Variants in DISC1 observed in about 807,000 individuals in gnomAD.
DISC1 encodes the protein DISC1 scaffold protein, also known as disrupted in schizophrenia 1 protein.
Under a neutral mutation model 84.5 loss-of-function variants are expected in DISC1, and 57 were observed. The observed-to-expected ratio is 0.67, with a 90% CI of 0.55 to 0.84. The LOEUF (loss-of-function observed/expected upper bound fraction) is 0.84, where lower values mean the gene tolerates loss of function less well. Ranked by LOEUF, DISC1 falls within the 40% of genes least tolerant of loss-of-function variation. The pLI is 0.00. For synonymous variants in DISC1, 411 were observed against 415.2 expected, an observed-to-expected ratio of 0.99 and a Z score of 0.12; for missense variants, 1,000 against 1,057.8, an observed-to-expected ratio of 0.95 and a Z score of 0.76.
chr1:231,823,981 G>C (rs1288901529), intron 9 of DISC1, among the ~76,000 whole-genome samples: 2 of 152,110 alleles, frequency 1.3e-5, no homozygotes, highest in Admixed American at 1.3e-4. Flanking sequence ...TTAAACTGTC[G>C]AGGTGAATTA....
At chr1:231,747,788 T>C (rs2074172528) in intron 3 of DISC1, among the ~76,000 whole-genome samples, 1 of 152,184 alleles carries the variant, frequency 6.6e-6, no homozygotes, top group Admixed American at 6.5e-5. Context: ...TTTTTTTCTG[T>C]TTCTGTGAGA....
At chr1:231,707,883 G>A (rs1415290424) in intron 3 of DISC1, among the ~76,000 whole-genome samples, 1 of 152,066 alleles carries the variant, frequency 6.6e-6, no homozygotes, top group Non-Finnish European at 1.5e-5. Flanking sequence ...CCTAACATCT[G>A]CAATCCTGAA....
intron 2 of DISC1, among the ~76,000 whole-genome samples, chr1:231,695,527 C>G (rs992809850): frequency 1.3e-5 from 2 of 152,108 alleles, no homozygotes; most frequent in Non-Finnish European, 2.9e-5. Flanking sequence ...TAGAGATGCT[C>G]TGTGGCTCAT....
intron 9 of DISC1, among the ~76,000 whole-genome samples, chr1:231,833,699 A>C (rs1248689005): frequency 6.6e-6 from 1 of 152,176 alleles, no homozygotes; most frequent in Admixed American, 6.5e-5. Context: ...GCAGGCCTGG[A>C]GGAACTCCTG....
chr1:231,845,936 G>A (rs893025653), intron 9 of DISC1, among the ~76,000 whole-genome samples: 4 of 152,156 alleles, frequency 2.6e-5, no homozygotes, highest in Admixed American at 2.0e-4. Flanking sequence ...GGTGATGCAA[G>A]GATGGCGGCA....
chr1:231,833,176 A>G (rs952437571), intron 9 of DISC1, among the ~76,000 whole-genome samples: 2 of 150,670 alleles, frequency 1.3e-5, no homozygotes, highest in East Asian at 1.9e-4. Context: ...AAAGTGTCTC[A>G]GCCTAATAAG....
intron 2 of DISC1, among the ~76,000 whole-genome samples, chr1:231,699,900 C>T (rs1451706976): frequency 6.6e-6 from 1 of 152,176 alleles, no homozygotes; most frequent in Non-Finnish European, 1.5e-5. Flanking sequence ...CATTCTTGCT[C>T]CCTCTTGCTT....
At chr1:231,796,692 C>T (rs2078792192) in intron 7 of DISC1, among the ~76,000 whole-genome samples, 1 of 152,108 alleles carries the variant, frequency 6.6e-6, no homozygotes, top group Non-Finnish European at 1.5e-5. Flanking sequence ...GCCCGTAAGA[C>T]AGCATCGGAG....
intron 9 of DISC1, among the ~76,000 whole-genome samples, chr1:231,945,733 A>C (rs893749608): frequency 6.6e-6 from 1 of 152,202 alleles, no homozygotes; most frequent in Non-Finnish European, 1.5e-5. Context: ...AATAAAGAAG[A>C]ATAGAGAGAA....
At chr1:231,652,293 A>C (rs2060693964) in intron 1 of DISC1, among the ~76,000 whole-genome samples, 1 of 152,238 alleles carries the variant, frequency 6.6e-6, no homozygotes, top group South Asian at 2.1e-4. Context: ...CTCTGAGCCT[A>C]GATAAGATTG....
At chr1:231,790,685 A>T (rs1448590952) in intron 6 of DISC1, among the ~76,000 whole-genome samples, 2 of 151,694 alleles carry the variant, frequency 1.3e-5, no homozygotes, top group African/African-American at 4.8e-5. Flanking sequence ...CGCTCGGCTA[A>T]TTTTTTGTAT....
At chr1:231,982,059 A>G (rs1249708925) in intron 10 of DISC1, among the ~76,000 whole-genome samples, 2 of 152,208 alleles carry the variant, frequency 1.3e-5, no homozygotes, top group Non-Finnish European at 1.5e-5. Flanking sequence ...AAAGGAACCT[A>G]TTATGATAAT....
chr1:231,808,267 G>A lies in DISC1; in HGVS notation c.1792+8057G>A, dbSNP rs557394293. On this transcript the variant is annotated intron_variant, in intron 8 of 12. Coordinates refer to ENST00000439617, the MANE Select transcript of DISC1 (RefSeq NM_018662.3). ...ATGTCCTGTGAGGGCTGGAACCACC[G>A]TACCAGTGAGAGGAGAGCTGGCCTG... Among the ~76,000 whole-genome samples the A allele has an allele frequency of 7.2e-5, 11 of 152,274 alleles. No individual in the cohort carries two copies. In the East Asian group the frequency reaches 7.7e-4, roughly 11 times the overall value.
chr1:232,027,793 C>CTGTGTGTGTGTGTG (rs35448234), intron 12 of DISC1, among the ~76,000 whole-genome samples: 8 of 143,436 alleles, frequency 5.6e-5, no homozygotes, highest in African/African-American at 1.5e-4. Context: ...ACTTTATGGG[C>CTGTGTGTGTGTGTG]TGTGTGTGTG....
intron 9 of DISC1, among the ~76,000 whole-genome samples, chr1:231,921,808 CTTTTTT>C (rs11288115): frequency 9.2e-5 from 11 of 120,204 alleles, no homozygotes; most frequent in Admixed American, 2.8e-4. Flanking sequence ...CACTAGTTAC[CTTTTTT>C]TTTTTTTTTT....
chr1:231,874,271 C>T (rs1306823702), intron 9 of DISC1, among the ~76,000 whole-genome samples: 1 of 151,494 alleles, frequency 6.6e-6, no homozygotes, highest in Non-Finnish European at 1.5e-5. Context: ...GATTCTCCTG[C>T]CTCAGTCCCC....
intron 9 of DISC1, among the ~76,000 whole-genome samples, chr1:231,824,531 T>C (rs1250066819): frequency 6.6e-6 from 1 of 152,190 alleles, no homozygotes; most frequent in Non-Finnish European, 1.5e-5. Context: ...TCCAGTTACA[T>C]CCTTGCATCA....
intron 3 of DISC1, among the ~76,000 whole-genome samples, chr1:231,702,842 G>A (rs1480678509): frequency 6.6e-6 from 1 of 152,024 alleles, no homozygotes; most frequent in Non-Finnish European, 1.5e-5. Flanking sequence ...TCTGCTGGGT[G>A]TGGGAAAGAG....
At chr1:231,934,603 G>A (rs1434358810) in intron 9 of DISC1, among the ~76,000 whole-genome samples, 2 of 152,206 alleles carry the variant, frequency 1.3e-5, no homozygotes, top group African/African-American at 4.8e-5. Flanking sequence ...ATCCTTTGTA[G>A]TTGTAAGATA....
Sources: gnomAD v4.1 joint callset for allele counts (sites outside exome capture counted in the v4.1 genomes callset) on GRCh38, gnomAD v4.1.1 for gene constraint, MANE v1.5 for transcripts, NCBI Gene and HGNC (gene_info 2026-07-23, HGNC 2026-07-21) for gene names.